Variants in PCDHGA10 observed in about 807,000 individuals in gnomAD.
PCDHGA10 encodes the protein protocadherin gamma-A10.
Under a neutral mutation model 59.5 loss-of-function variants are expected in PCDHGA10, and 42 were observed. That is an observed-to-expected ratio of 0.71 (90% CI 0.55 to 0.91). The LOEUF (loss-of-function observed/expected upper bound fraction) is 0.91, where lower values mean the gene tolerates loss of function less well. Among genes scored for constraint, PCDHGA10 ranks in the 40% least tolerant of loss-of-function variants. The pLI is 0.00. For synonymous variants in PCDHGA10, 511 were observed against 517.2 expected, an observed-to-expected ratio of 0.99 and a Z score of 0.16; for missense variants, 1,111 against 1,198.2, an observed-to-expected ratio of 0.93 and a Z score of 1.07.
In PCDHGA10 at chr5:141,486,223, C is replaced by G. The variant is rs1164723634; in HGVS notation, c.2437-8584C>G. ...ACGTAAATGACAATGCCCCTTACATCACAGTGACCTCAGAGCTTGGAACCC... is the reference window on the plus strand; with the variant it reads ...ACGTAAATGACAATGCCCCTTACATGACAGTGACCTCAGAGCTTGGAACCC... On this transcript the variant is annotated intron_variant, in intron 1 of 3. Coordinates refer to ENST00000398610, the MANE Select transcript of PCDHGA10 (RefSeq NM_018913.3). The surrounding 1 kb of genome is among the most constrained non-coding windows in gnomAD (Gnocchi z 5.0). The G allele has an allele frequency of 6.2e-7, 1 of 1,614,148 alleles. No homozygotes were observed. Among genetic ancestry groups the G allele is most frequent in the Admixed American group, 1.7e-5 (1 of 60,032 alleles).
At chr5:141,505,616 C>T in intron 3 of PCDHGA10, 135 bp downstream of exon 3, 2 of 1,503,162 alleles carry the variant, frequency 1.3e-6, no homozygotes, top group South Asian at 1.3e-5. Flanking sequence ...CTGAAAGGAC[C>T]CACAATTCCA....
intron 1 of PCDHGA10, among the ~76,000 whole-genome samples, chr5:141,480,796 C>G (rs1007525949): frequency 2.6e-5 from 4 of 152,074 alleles, no homozygotes; most frequent in African/African-American, 7.2e-5. Flanking sequence ...ATTTGAAAAC[C>G]ACAGCTTTGG....
At chr5:141,444,299 G>A (rs1017908182) in intron 1 of PCDHGA10, among the ~76,000 whole-genome samples, 20 of 150,672 alleles carry the variant, frequency 1.3e-4, no homozygotes, top group Non-Finnish European at 2.7e-4. Context: ...AGCCTCCCTA[G>A]TAGCTAGGAT....
intron 1 of PCDHGA10, among the ~76,000 whole-genome samples, chr5:141,450,166 T>TCCCACCACACC (rs1046248061): frequency 2.0e-5 from 3 of 151,062 alleles, no homozygotes; most frequent in African/African-American, 7.3e-5. Flanking sequence ...GCCACCACAC[T>TCCCACCACACC]CCCACCACAC....
At chr5:141,479,633 T>TAACAAC (rs749744124) in intron 1 of PCDHGA10, 1 of 152,114 alleles carries the variant, frequency 6.6e-6, no homozygotes, top group Admixed American at 6.5e-5. Flanking sequence ...TCTTTAACAA[T>TAACAAC]AACAACAACA....
At chr5:141,437,668 G>A (rs72790049) in intron 1 of PCDHGA10, among the ~76,000 whole-genome samples, 16,651 of 151,822 alleles carry the variant, frequency 0.11, 1,007 homozygotes, top group African/African-American at 0.17. Context: ...TCGAAGAGAT[G>A]TTGATCAAAC....
In PCDHGA10 at chr5:141,489,744, C is replaced by T. The variant is rs185263705; in HGVS notation, c.2437-5063C>T. The T allele has an allele frequency of 1.1e-5, 18 of 1,614,144 alleles. No homozygotes were observed. In the Admixed American group the frequency reaches 2.8e-4, roughly 25 times the overall value. Reference sequence around the variant, plus strand: ...CGGATGTGGGCACCAATACTGTGAGCTTTTACACTCTAAGCCCCAACAGCC... The same window carrying T: ...CGGATGTGGGCACCAATACTGTGAGTTTTTACACTCTAAGCCCCAACAGCC... On this transcript the variant is annotated intron_variant, in intron 1 of 3. Transcript: ENST00000398610. This position sits in a 1 kb window ranked among gnomAD's most constrained non-coding sequence, Gnocchi z 4.5.
At position 141,480,425 on chromosome 5, in the gene PCDHGA10, AT is replaced by A. The variant is rs553131122; in HGVS notation, c.2437-14380del. On this transcript the variant is annotated intron_variant, in intron 1 of 3. Transcript: ENST00000398610. ...GTGAGACCCTGTCTCAAAAAAAAAA[AT>A]TATCAGCTATTACTATAATTATTTT... 2.3e-4 allele frequency among the ~76,000 whole-genome samples: 34 copies of A among 149,340 alleles called. 1 individual carries two copies. In the South Asian group the frequency reaches 6.0e-3, roughly 26 times the overall value.
intron 1 of PCDHGA10, chr5:141,424,576 C>CA (rs2096829154): frequency 6.6e-6 from 1 of 152,132 alleles, no homozygotes; most frequent in African/African-American, 2.4e-5. Context: ...AACCTATTTT[C>CA]AAATGTGCTA....
chr5:141,422,969 G>C (rs1269760845), intron 1 of PCDHGA10: 2 of 1,614,202 alleles, frequency 1.2e-6, no homozygotes, highest in South Asian at 2.2e-5. Flanking sequence ...CTGGCGCCCC[G>C]CTCTGCGGAA....
At chr5:141,419,728 A>T (rs2096421858) in intron 1 of PCDHGA10, 1 of 1,613,466 alleles carries the variant, frequency 6.2e-7, no homozygotes. Flanking sequence ...GGCTGCGAAC[A>T]GGCGAGGTGC....
At chr5:141,438,649 CACATATATGTAT>C (rs1346265042) in intron 1 of PCDHGA10, among the ~76,000 whole-genome samples, 20 of 100,970 alleles carry the variant, frequency 2.0e-4, no homozygotes, top group Admixed American at 2.1e-4. Flanking sequence ...CACACACACA[CACATATATGTAT>C]ATATATATTT....
chr5:141,477,845 GT>G lies in PCDHGA10; in HGVS notation c.2437-16961del, dbSNP rs1562065234. ...ATATCCTCGGCCAGGTGGGAGCTCG[GT>G]GGAGATGCTGCCTCGAGGTACCTCA... is the stretch of plus-strand genomic sequence containing the variant. On this transcript the variant is annotated intron_variant, in intron 1 of 3. Coordinates refer to ENST00000398610, the MANE Select transcript of PCDHGA10 (RefSeq NM_018913.3). This position sits in a 1 kb window ranked among gnomAD's most constrained non-coding sequence, Gnocchi z 4.9. 1 of 1,614,038 alleles carries G rather than the reference GT, an allele frequency of 6.2e-7. No homozygotes were observed. Among genetic ancestry groups the G allele is most frequent in the East Asian group, 2.2e-5 (1 of 44,896 alleles).
chr5:141,477,611 C>T lies in PCDHGA10; in HGVS notation c.2437-17196C>T. On this transcript the variant is annotated intron_variant, in intron 1 of 3. Coordinates refer to ENST00000398610, the MANE Select transcript of PCDHGA10 (RefSeq NM_018913.3). This position sits in a 1 kb window ranked among gnomAD's most constrained non-coding sequence, Gnocchi z 4.9. ...TCGGCTTTCTTTCTTTCTCTTGGAG[C>T]AAGGAGCTGAAACCGGGCTAGTGGG... is the stretch of plus-strand genomic sequence containing the variant. The T allele has an allele frequency of 6.2e-7, 1 of 1,614,188 alleles. No homozygotes were observed. The highest frequency in any genetic ancestry group is 8.5e-7 in the Non-Finnish European group (1 of 1,180,036).
At position 141,476,645 on chromosome 5, in the gene PCDHGA10, A is replaced by G. The variant is rs150444699; in HGVS notation, c.2437-18162A>G. The G allele has an allele frequency of 1.2e-4, 199 of 1,614,128 alleles. No homozygotes were observed. Among genetic ancestry groups the G allele is most frequent in the Non-Finnish European group, 1.6e-4 (194 of 1,180,060 alleles). ...TTTACAAACCTATGAGCTGAGCCGA[A>G]ATGAATACTTTGCGCTTCGCGTGCA... On this transcript the variant is annotated intron_variant, in intron 1 of 3. Transcript: ENST00000398610. The surrounding 1 kb of genome is among the most constrained non-coding windows in gnomAD (Gnocchi z 7.6).
At chr5:141,459,945 G>T (rs113794146) in intron 1 of PCDHGA10, among the ~76,000 whole-genome samples, 54 of 152,164 alleles carry the variant, frequency 3.5e-4, no homozygotes, top group Middle Eastern at 3.2e-3. Flanking sequence ...GGGCGTGATG[G>T]CAGGTGCCTG....
intron 1 of PCDHGA10, among the ~76,000 whole-genome samples, chr5:141,425,919 G>A (rs11167745): frequency 2.0e-5 from 3 of 152,174 alleles, no homozygotes; most frequent in East Asian, 1.9e-4. Flanking sequence ...CAGTCACTAC[G>A]AAAACTCATA....
intron 2 of PCDHGA10, among the ~76,000 whole-genome samples, chr5:141,504,947 A>G (rs1595930930): frequency 6.6e-6 from 1 of 152,200 alleles, no homozygotes; most frequent in Non-Finnish European, 1.5e-5. Context: ...GGAATGCACT[A>G]TGTTCAATGC....
chr5:141,415,756 T>C, intron 1 of PCDHGA10, 145 bp downstream of exon 1: 2 of 1,387,344 alleles, frequency 1.4e-6, no homozygotes, highest in Non-Finnish European at 1.9e-6. Flanking sequence ...TTTTTTTTTT[T>C]TTTTTTTTTT....
Sources: gnomAD v4.1 joint callset for allele counts (sites outside exome capture counted in the v4.1 genomes callset) on GRCh38, gnomAD v4.1.1 for gene constraint, Gnocchi (gnomAD v3.1) non-coding constraint, MANE v1.5 for transcripts, NCBI Gene and HGNC (gene_info 2026-07-23, HGNC 2026-07-21) for gene names.